PPARGC1A: variants seen among roughly 807,000 people sequenced by gnomAD.
PPARGC1A encodes the protein peroxisome proliferator-activated receptor gamma coactivator 1-alpha.
PPARGC1A carries 25 observed loss-of-function variants against 88.7 expected under a neutral mutation model. The ratio of observed to expected loss-of-function variants is 0.28; its 90% confidence interval spans 0.21 to 0.39. The LOEUF is 0.39. PPARGC1A is among the 10% of genes least tolerant of loss of function. The probability of loss-of-function intolerance (pLI) is 1.00; values close to 1 mark genes in which losing one functional copy is unlikely to be tolerated. For synonymous variants in PPARGC1A, 363 were observed against 355.6 expected, an observed-to-expected ratio of 1.02 and a Z score of -0.24; for missense variants, 880 against 968.7, an observed-to-expected ratio of 0.91 and a Z score of 1.22.
At chr4:24,444,300 T>A in the PPARGC1A span, among the ~76,000 whole-genome samples, 2 of 152,176 alleles carry the variant, frequency 1.3e-5, no homozygotes, top group East Asian at 3.9e-4. Context: ...TCCAAAGTGC[T>A]GGGATTACAG....
chr4:24,059,274 C>G, the PPARGC1A span, among the ~76,000 whole-genome samples: 3 of 152,180 alleles, frequency 2.0e-5, no homozygotes, highest in East Asian at 5.8e-4. Context: ...TCTGGCCTCA[C>G]CAGACTCATG....
the PPARGC1A span, among the ~76,000 whole-genome samples, chr4:24,158,484 T>G: frequency 1.1e-4 from 16 of 152,188 alleles, no homozygotes; most frequent in African/African-American, 3.9e-4. Context: ...TGGCCAACTT[T>G]TAAAATCGCT....
the PPARGC1A span, among the ~76,000 whole-genome samples, chr4:24,303,405 T>A: frequency 6.6e-6 from 1 of 152,178 alleles, no homozygotes; most frequent in Non-Finnish European, 1.5e-5. Flanking sequence ...AAGCTACCTT[T>A]ACTGGCTGTA....
chr4:24,384,419 A>G, the PPARGC1A span, among the ~76,000 whole-genome samples: 6 of 152,146 alleles, frequency 3.9e-5, no homozygotes, highest in Non-Finnish European at 7.4e-5. Flanking sequence ...AAATGCCCCA[A>G]TTAAAAGACA....
chr4:24,083,087 C>T, the PPARGC1A span, among the ~76,000 whole-genome samples: 85 of 152,252 alleles, frequency 5.6e-4, no homozygotes, highest in Middle Eastern at 6.8e-3. Flanking sequence ...TATATGGCCA[C>T]TTGATTTGAG....
chr4:24,076,792 C>T, the PPARGC1A span, among the ~76,000 whole-genome samples: 4 of 152,110 alleles, frequency 2.6e-5, no homozygotes, highest in African/African-American at 9.7e-5. Context: ...TTACATACCC[C>T]CATTCACATA....
chr4:23,801,953 T>G, intron 11 of PPARGC1A, 72 bp from the exon 12 acceptor site: 1 of 1,558,466 alleles, frequency 6.4e-7, no homozygotes, highest in Non-Finnish European at 8.8e-7. Context: ...CCTTTCTACT[T>G]TGTGAGACTT....
chr4:24,467,285 G>A, the PPARGC1A span, among the ~76,000 whole-genome samples: 2 of 152,218 alleles, frequency 1.3e-5, no homozygotes, highest in African/African-American at 4.8e-5. Flanking sequence ...GTGGGGTTCT[G>A]TGAGCTGGAT....
At chr4:24,417,023 C>A in the PPARGC1A span, among the ~76,000 whole-genome samples, 2 of 131,420 alleles carry the variant, frequency 1.5e-5, no homozygotes, top group South Asian at 4.8e-4. Flanking sequence ...GAGCGAGATT[C>A]CATCTCAAAA....
At chr4:24,185,998 A>G in the PPARGC1A span, among the ~76,000 whole-genome samples, 4 of 152,136 alleles carry the variant, frequency 2.6e-5, no homozygotes, top group South Asian at 8.3e-4. Flanking sequence ...AGGGGAAAAA[A>G]GAAAAAAAAA....
At chr4:24,438,071 A>C in the PPARGC1A span, among the ~76,000 whole-genome samples, 1 of 152,284 alleles carries the variant, frequency 6.6e-6, no homozygotes, top group Admixed American at 6.5e-5. Flanking sequence ...ATCCAGCAAG[A>C]GGACACAGCA....
the PPARGC1A span, among the ~76,000 whole-genome samples, chr4:24,238,651 G>A: frequency 2.1e-4 from 32 of 151,814 alleles, no homozygotes; most frequent in Non-Finnish European, 4.0e-4. Flanking sequence ...GTACAAAAAG[G>A]CTTCTCAAGA....
rs1717362362 is a variant in PPARGC1A at position 23,795,320 on chromosome 4, TATATA to T, written c.*497_*501del. The T allele has an allele frequency of 2.3e-5, 2 of 86,536 alleles. No homozygotes were observed. Among genetic ancestry groups the T allele is most frequent in the African/African-American group, 4.3e-5 (1 of 23,064 alleles). The allele number at this position is 86,536 out of a possible 1,614,324, so 5.4% of individuals were successfully genotyped here. The stretch of plus-strand genomic sequence containing the variant: ...ATATATATATATATATATATATATA[TATATA>T]TATATTTCCTTTTGAATAGAATACG... On this transcript the variant is annotated 3_prime_UTR_variant, in exon 13 of 13. Coordinates refer to ENST00000264867, the MANE Select transcript of PPARGC1A (RefSeq NM_013261.5).
At chr4:24,206,430 A>G in the PPARGC1A span, among the ~76,000 whole-genome samples, 1 of 152,244 alleles carries the variant, frequency 6.6e-6, no homozygotes, top group East Asian at 1.9e-4. Context: ...CATGACTATA[A>G]GTTACATGAA....
chr4:24,084,562 G>T, the PPARGC1A span, among the ~76,000 whole-genome samples: 1 of 152,160 alleles, frequency 6.6e-6, no homozygotes, highest in African/African-American at 2.4e-5. Flanking sequence ...TTAGACCTAG[G>T]AATGAGTTAT....
At chr4:24,003,559 G>T in the PPARGC1A span, among the ~76,000 whole-genome samples, 1 of 152,216 alleles carries the variant, frequency 6.6e-6, no homozygotes, top group Admixed American at 6.5e-5. Flanking sequence ...GTGTCAAGGA[G>T]CCAACCACAC....
At chr4:24,350,398 G>T in the PPARGC1A span, among the ~76,000 whole-genome samples, 42 of 152,106 alleles carry the variant, frequency 2.8e-4, no homozygotes, top group Admixed American at 1.0e-3. Context: ...CTTTTTTTTT[G>T]ATATTCCAAA....
the PPARGC1A span, among the ~76,000 whole-genome samples, chr4:24,289,133 T>C: frequency 6.9e-6 from 1 of 145,174 alleles, no homozygotes; most frequent in Admixed American, 7.2e-5. Flanking sequence ...GGCAGAAGAA[T>C]CGCTTGAACC....
At chr4:24,418,769 G>A in the PPARGC1A span, among the ~76,000 whole-genome samples, 4 of 152,184 alleles carry the variant, frequency 2.6e-5, no homozygotes, top group South Asian at 4.1e-4. Context: ...ATTGTTTGCT[G>A]ATTTAATTAC....
Sources: allele counts gnomAD v4.1 joint callset (sites outside exome capture counted in the v4.1 genomes callset), GRCh38; gene constraint gnomAD v4.1.1; transcripts MANE v1.5; gene names NCBI Gene and HGNC (gene_info 2026-07-23, HGNC 2026-07-21).